RIMS2: variants seen among roughly 807,000 people sequenced by gnomAD.
RIMS2 encodes regulating synaptic membrane exocytosis protein 2.
A neutral mutation model predicts 174.4 loss-of-function variants in RIMS2; 59 were observed. That is an observed-to-expected ratio of 0.34 (90% CI 0.27 to 0.42). The LOEUF is 0.42. RIMS2 is among the 10% of genes least tolerant of loss of function. The probability of loss-of-function intolerance (pLI) is 1.00; values close to 1 mark genes in which losing one functional copy is unlikely to be tolerated. For synonymous variants in RIMS2, 606 were observed against 572.5 expected, an observed-to-expected ratio of 1.06 and a Z score of -0.84; for missense variants, 1,620 against 1,666.3, an observed-to-expected ratio of 0.97 and a Z score of 0.48.
At chr8:103,618,085 C>T (rs1267406358) in intron 1 of RIMS2, among the ~76,000 whole-genome samples, 1 of 152,046 alleles carries the variant, frequency 6.6e-6, no homozygotes, top group Non-Finnish European at 1.5e-5. Flanking sequence ...ATGGAATCAA[C>T]CTGAATGCCC....
At chr8:104,157,462 A>G (rs950846105) in intron 19 of RIMS2, among the ~76,000 whole-genome samples, 3 of 152,184 alleles carry the variant, frequency 2.0e-5, no homozygotes, top group African/African-American at 7.2e-5. Context: ...AAATATGTTC[A>G]TTATGTTGTG....
chr8:103,884,777 A>G (rs1417698954), intron 3 of RIMS2, among the ~76,000 whole-genome samples: 1 of 151,936 alleles, frequency 6.6e-6, no homozygotes, highest in Non-Finnish European at 1.5e-5. Flanking sequence ...AGGTGAACCA[A>G]TACTAGGAAT....
intron 3 of RIMS2, among the ~76,000 whole-genome samples, chr8:103,879,663 A>T (rs1269713451): frequency 2.0e-5 from 3 of 151,632 alleles, no homozygotes; most frequent in Admixed American, 6.6e-5. Flanking sequence ...CTATACAAAT[A>T]GTGGAATGGT....
chr8:103,821,836 G>A (rs574917320), intron 3 of RIMS2, among the ~76,000 whole-genome samples: 39 of 151,582 alleles, frequency 2.6e-4, no homozygotes, highest in African/African-American at 8.4e-4. Context: ...AAAAATCATG[G>A]AAGAAGAATG....
chr8:104,065,698 A>C (rs944068147), intron 19 of RIMS2, among the ~76,000 whole-genome samples: 4 of 152,110 alleles, frequency 2.6e-5, no homozygotes, highest in Non-Finnish European at 4.4e-5. Context: ...TTATAAGGTA[A>C]AAGGATATTT....
chr8:104,096,838 A>G (rs2097770854), intron 19 of RIMS2, among the ~76,000 whole-genome samples: 1 of 151,628 alleles, frequency 6.6e-6, no homozygotes, highest in Non-Finnish European at 1.5e-5. Flanking sequence ...ACTGCAATCC[A>G]GCCTGGTGAC....
chr8:103,514,070 TAGTA>T (rs1255236849), intron 1 of RIMS2, among the ~76,000 whole-genome samples: 1 of 152,146 alleles, frequency 6.6e-6, no homozygotes, highest in Non-Finnish European at 1.5e-5. Context: ...ACATACAAAA[TAGTA>T]AGTAATTCTT....
chr8:103,505,276 T>C (rs147775561), intron 1 of RIMS2, among the ~76,000 whole-genome samples: 71 of 152,268 alleles, frequency 4.7e-4, no homozygotes, highest in Non-Finnish European at 7.4e-5. Context: ...TATATAATAT[T>C]GTGTGTGTCT....
intron 17 of RIMS2, among the ~76,000 whole-genome samples, chr8:104,004,875 A>G (rs2095518168): frequency 7.0e-6 from 1 of 143,270 alleles, no homozygotes; most frequent in Admixed American, 6.7e-5. Context: ...GCTAATAGAG[A>G]GAAATTAAGT....
At chr8:103,616,688 C>A (rs2095512365) in intron 1 of RIMS2, among the ~76,000 whole-genome samples, 1 of 151,980 alleles carries the variant, frequency 6.6e-6, no homozygotes, top group Non-Finnish European at 1.5e-5. Context: ...GATACAAAGT[C>A]ATTGTAAAAA....
chr8:103,653,322 T>A (rs2096483861), intron 1 of RIMS2, among the ~76,000 whole-genome samples: 1 of 152,198 alleles, frequency 6.6e-6, no homozygotes, highest in Non-Finnish European at 1.5e-5. Flanking sequence ...TTATTAGATT[T>A]AAAAACACTG....
intron 19 of RIMS2, chr8:104,093,556 T>A: frequency 1.3e-6 from 2 of 1,597,494 alleles, no homozygotes; most frequent in Non-Finnish European, 1.7e-6. Flanking sequence ...ATATCTGCGG[T>A]TTCAAGGACT....
At chr8:103,568,352 T>C (rs2092541816) in intron 1 of RIMS2, among the ~76,000 whole-genome samples, 1 of 152,142 alleles carries the variant, frequency 6.6e-6, no homozygotes, top group African/African-American at 2.4e-5. Context: ...GGTTCAGAGA[T>C]GGTTTAATCA....
At chr8:103,742,683 A>T (rs2139397170) in intron 2 of RIMS2, among the ~76,000 whole-genome samples, 1 of 152,200 alleles carries the variant, frequency 6.6e-6, no homozygotes, top group African/African-American at 2.4e-5. Flanking sequence ...CTGTTTTCTT[A>T]TAATGTGAAT....
intron 19 of RIMS2, among the ~76,000 whole-genome samples, chr8:104,125,319 A>G (rs1199587580): frequency 6.6e-6 from 1 of 152,202 alleles, no homozygotes; most frequent in African/African-American, 2.4e-5. Context: ...TGCTAGGGCC[A>G]TGTTGCTTTT....
chr8:103,773,184 A>T (rs1224670921), intron 3 of RIMS2, among the ~76,000 whole-genome samples: 3 of 152,182 alleles, frequency 2.0e-5, no homozygotes, highest in Non-Finnish European at 4.4e-5. Context: ...TCAAAATAAA[A>T]ACTTTATTCA....
chr8:103,961,174 T>G, intron 15 of RIMS2, 41 bp downstream of exon 17: 1 of 859,470 alleles, frequency 1.2e-6, no homozygotes, highest in Non-Finnish European at 2.0e-6. Context: ...AAAAAGGGAG[T>G]GCAATTCATC....
chr8:103,735,474 C>A (rs1217295622), intron 2 of RIMS2, among the ~76,000 whole-genome samples: 1 of 151,388 alleles, frequency 6.6e-6, no homozygotes, highest in Non-Finnish European at 1.5e-5. Flanking sequence ...TTTTTAATAT[C>A]TTGTTCTTTT....
At chr8:103,553,133 A>G (rs1319433089) in intron 1 of RIMS2, among the ~76,000 whole-genome samples, 1 of 152,102 alleles carries the variant, frequency 6.6e-6, no homozygotes, top group African/African-American at 2.4e-5. Context: ...GCTGCTATAA[A>G]GACACATGCA....
Sources: allele counts gnomAD v4.1 joint callset (sites outside exome capture counted in the v4.1 genomes callset), GRCh38; gene constraint gnomAD v4.1.1; transcripts MANE v1.5; gene names NCBI Gene and HGNC (gene_info 2026-07-23, HGNC 2026-07-21).